Variants in PLXNA4 observed in about 807,000 individuals in gnomAD.
PLXNA4 encodes plexin A4, also known as plexin-A4.
PLXNA4 carries 44 observed loss-of-function variants against 191.8 expected under a neutral mutation model. The observed-to-expected ratio is 0.23, with a 90% confidence interval of 0.18 to 0.29. The LOEUF (loss-of-function observed/expected upper bound fraction) is 0.29. PLXNA4 is among the 10% of genes least tolerant of loss of function. PLXNA4 has a pLI of 1.00. For synonymous variants in PLXNA4, 1,082 were observed against 1,009.5 expected (o/e 1.07, Z -1.36); for missense variants, 1,800 against 2,488.8 (o/e 0.72, Z 5.89).
chr7:132,563,928 TTCCTCGTC>T (rs1801549571), intron 1 of PLXNA4, among the ~76,000 whole-genome samples: 1 of 82,652 alleles, frequency 1.2e-5, no homozygotes, highest in African/African-American at 4.9e-5. Context: ...TCTCCTCCTT[TTCCTCGTC>T]CTCCTCCTCC....
chr7:132,132,483 CTCTGCTCTATTCTTTTCTATTCTAT>C (rs1210294113), intron 31 of PLXNA4, among the ~76,000 whole-genome samples: 6 of 80,844 alleles, frequency 7.4e-5, no homozygotes, highest in Admixed American at 2.7e-4. Context: ...CTCTGCTCTG[CTCTGCTCTATTCTTTTCTATTCTAT>C]TCTATTCTAT....
intron 3 of PLXNA4, among the ~76,000 whole-genome samples, chr7:132,479,520 G>A (rs942458551): frequency 3.7e-4 from 56 of 152,340 alleles, no homozygotes; most frequent in Middle Eastern, 3.4e-3. Flanking sequence ...AGGGGAATAC[G>A]GCCTTCCACC....
At chr7:132,223,847 A>C (rs1160334216) in intron 8 of PLXNA4, among the ~76,000 whole-genome samples, 1 of 152,038 alleles carries the variant, frequency 6.6e-6, no homozygotes, top group African/African-American at 2.4e-5. Context: ...TCCCTTTCCC[A>C]TATGTAGCTG....
chr7:132,401,672 A>G (rs1793991257), intron 3 of PLXNA4, among the ~76,000 whole-genome samples: 1 of 152,154 alleles, frequency 6.6e-6, no homozygotes. Flanking sequence ...CTAAGCCAAT[A>G]AAGAAGGGCT....
intron 12 of PLXNA4, among the ~76,000 whole-genome samples, chr7:132,198,922 G>A (rs1344798907): frequency 6.6e-6 from 1 of 152,146 alleles, no homozygotes; most frequent in Non-Finnish European, 1.5e-5. Context: ...ATGCTACCGG[G>A]TGATTCGTAG....
chr7:132,159,630 G>T lies in PLXNA4; in HGVS notation c.4503C>A (p.Val1501=). 1.9e-6 allele frequency: 3 copies of T among 1,614,008 alleles called. No individual in the cohort carries two copies. The highest frequency in any genetic ancestry group is 8.5e-7 in the Non-Finnish European group (1 of 1,179,980). Residue 1501 remains valine (V), a splice_region_variant and synonymous_variant, in exon 25 of 32, where the codon GTC becomes GTA. Transcript: ENST00000321063. ...CATTGTCTGGGCTGACACAGCTCAG[G>T]ACCTGAAGGAAAGGTGGGGAGAGGA... The part of the protein sequence containing the change: ...IRQQIDYKTL[V]LSCVSPDNAN...
chr7:132,422,441 G>A (rs1002300451), intron 3 of PLXNA4, among the ~76,000 whole-genome samples: 1 of 152,168 alleles, frequency 6.6e-6, no homozygotes, highest in Non-Finnish European at 1.5e-5. Context: ...TCACACAGCT[G>A]GTGCATCATT....
chr7:132,294,352 AGGGGAGCAG>A (rs1206490210), intron 4 of PLXNA4, among the ~76,000 whole-genome samples: 1 of 152,192 alleles, frequency 6.6e-6, no homozygotes, highest in Non-Finnish European at 1.5e-5. Flanking sequence ...CCTGCAGACT[AGGGGAGCAG>A]GGAGAGCGGG....
intron 2 of PLXNA4, among the ~76,000 whole-genome samples, chr7:132,602,819 T>C (rs545490357): frequency 8.6e-4 from 131 of 152,300 alleles, no homozygotes; most frequent in Middle Eastern, 6.8e-3. Context: ...ACTCTCATTG[T>C]CTCACCTTTC....
intron 3 of PLXNA4, among the ~76,000 whole-genome samples, chr7:132,300,528 G>A (rs530810609): frequency 7.9e-5 from 12 of 152,350 alleles, no homozygotes; most frequent in African/African-American, 2.4e-4. Context: ...TTAAGGAGTC[G>A]TGGTTAGTGT....
rs149437663 is a variant in PLXNA4 at position 132,491,395 on chromosome 7, C to T, written c.1189-1921G>A. Among the ~76,000 whole-genome samples the T allele has an allele frequency of 7.2e-5, 11 of 152,326 alleles. No homozygotes were observed. In the East Asian group the frequency reaches 9.7e-4, roughly 13 times the overall value. ...CCTCCACTCCCTCCCAGAAGAGGTG[C>T]GGGCAGGCACTGTCCCTCCAGAGAA... On this transcript the variant is annotated intron_variant, in intron 2 of 31. Transcript: ENST00000321063.
intron 3 of PLXNA4, among the ~76,000 whole-genome samples, chr7:132,397,039 C>A (rs1316746357): frequency 1.3e-5 from 2 of 152,226 alleles, no homozygotes; most frequent in Admixed American, 1.3e-4. Context: ...GGGATGGGGG[C>A]TGGGGACATC....
chr7:132,148,551 G>C lies in PLXNA4; in HGVS notation c.4756C>G (p.His1586Asp). Residue 1586 changes from histidine (H) to aspartate (D), a missense_variant, in exon 26 of 32, where the codon CAC becomes GAC. His to Asp is a moderately conservative substitution (Grantham distance 81). Around this residue, in one of 6 missense-constraint regions of PLXNA4, gnomAD observed 214 missense variants for 298.2 expected, o/e 0.72. Transcript: ENST00000321063. ...NDWKRLNTLA[H>D]YQVPDGSVVA... ...TTCCACATTCCCCTCACCTGGTAGT[G>C]GGCCAGTGTGTTCAGTCGCTTCCAA... 1 of 1,614,084 alleles carries C rather than the reference G, an allele frequency of 6.2e-7. No homozygotes were observed. Among genetic ancestry groups the C allele is most frequent in the Non-Finnish European group, 8.5e-7 (1 of 1,179,998 alleles).
rs564968871 is a variant in PLXNA4 at position 132,168,483 on chromosome 7, G to T, written c.4107C>A (p.Ile1369=). 1.1e-5 allele frequency: 18 copies of T among 1,613,820 alleles called. No homozygotes were observed. In the African/African-American group the frequency reaches 1.3e-4, roughly 12 times the overall value. Residue 1369 remains isoleucine (I), a synonymous_variant, in exon 22 of 32, where the codon ATC becomes ATA. Transcript: ENST00000321063. ...AGCTACGCTGGGACTCAAGCGTGCG[G>T]ATGAAGGACAGCAGGAACACCTTGT... ...INNKVFLLSF[I]RTLESQRSFS...
In PLXNA4 at chr7:132,124,892, C is replaced by CTGGT. The variant is rs1163926365; in HGVS notation, c.*5583_*5586dup. The CTGGT allele has an allele frequency of 6.6e-6, 1 of 152,204 alleles. No homozygotes were observed. Among genetic ancestry groups the CTGGT allele is most frequent in the Admixed American group, 6.5e-5 (1 of 15,290 alleles). 9.4% of individuals were successfully genotyped at this position (152,204 alleles called of 1,614,324 possible). On this transcript the variant is annotated 3_prime_UTR_variant, in exon 32 of 32. Transcript: ENST00000321063. ...GTTTTGTTTAACTTTGCTTTGCTTTCTGGTAGGCACCAGTCTACTCAAGGA... is the reference window on the plus strand; with the variant it reads ...GTTTTGTTTAACTTTGCTTTGCTTTCTGGTTGGTAGGCACCAGTCTACTCAAGGA...
At chr7:132,573,975 C>A (rs1451556519) in intron 1 of PLXNA4, among the ~76,000 whole-genome samples, 1 of 152,168 alleles carries the variant, frequency 6.6e-6, no homozygotes, top group Non-Finnish European at 1.5e-5. Flanking sequence ...GGGTGAATGA[C>A]AGCGTGGCAT....
At chr7:132,588,200 T>C (rs969175160) in intron 2 of PLXNA4, among the ~76,000 whole-genome samples, 1 of 152,144 alleles carries the variant, frequency 6.6e-6, no homozygotes, top group Non-Finnish European at 1.5e-5. Context: ...ACCTGGAGGC[T>C]GGACAGGTTT....
intron 3 of PLXNA4, among the ~76,000 whole-genome samples, chr7:132,391,058 A>G (rs191871357): frequency 1.3e-5 from 2 of 152,266 alleles, no homozygotes; most frequent in East Asian, 1.9e-4. Context: ...CGAGTAAAGC[A>G]AAGGGATGAT....
intron 3 of PLXNA4, among the ~76,000 whole-genome samples, chr7:132,305,843 T>C (rs1489763168): frequency 6.6e-6 from 1 of 152,074 alleles, no homozygotes; most frequent in African/African-American, 2.4e-5. Context: ...ACCTCTGCAC[T>C]CTCCCTTTCC....
Sources: allele counts gnomAD v4.1 joint callset (sites outside exome capture counted in the v4.1 genomes callset), GRCh38; gene constraint gnomAD v4.1.1; regional missense constraint gnomAD v4.1.1; transcripts MANE v1.5; gene names NCBI Gene and HGNC (gene_info 2026-07-23, HGNC 2026-07-21).